Variants in ALKBH8 observed in about 807,000 individuals in gnomAD.
ALKBH8 encodes the protein tRNA (carboxymethyluridine(34)-5-O)-methyltransferase ALKBH8.
A neutral mutation model predicts 59.8 loss-of-function variants in ALKBH8; 36 were observed. The ratio of observed to expected loss-of-function variants is 0.60; its 90% CI spans 0.46 to 0.79. The LOEUF (loss-of-function observed/expected upper bound fraction) is 0.79. Ranked by LOEUF, ALKBH8 falls within the 30% of genes least tolerant of loss-of-function variation. The pLI is 0.00. For missense variants in ALKBH8, 768 were observed against 801.0 expected (o/e 0.96, Z 0.50); for synonymous variants, 276 against 273.6 (o/e 1.01, Z -0.09).
intron 9 of ALKBH8, 103 bp from the exon 10 acceptor site, chr11:107,522,658 T>C: frequency 7.8e-7 from 1 of 1,288,454 alleles, no homozygotes; most frequent in East Asian, 2.5e-5. Flanking sequence ...ATTTGGTGGG[T>C]AGACAGACTC....
intron 10 of ALKBH8, among the ~76,000 whole-genome samples, chr11:107,514,171 A>G (rs1158390873): frequency 2.0e-5 from 3 of 152,234 alleles, no homozygotes; most frequent in Non-Finnish European, 4.4e-5. Context: ...GATACTAAGT[A>G]GTGACATTCA....
rs73553664 is a variant in ALKBH8, at chr11:107,541,194, C to T, written c.771+8559G>A. 5.2e-3 allele frequency among the ~76,000 whole-genome samples: 786 copies of T among 152,248 alleles called. 4 individuals are homozygous for T. Among genetic ancestry groups the T allele is most frequent in the African/African-American group, 0.018 (743 of 41,564 alleles). ...TAGCTGTTGGCGATAATGATCATGGCAATGGTAGTGCTGATGGTCAAAGGA... is the reference window on the plus strand; with the variant it reads ...TAGCTGTTGGCGATAATGATCATGGTAATGGTAGTGCTGATGGTCAAAGGA... On this transcript the variant is annotated intron_variant, in intron 7 of 11. Coordinates refer to ENST00000428149, the MANE Select transcript of ALKBH8 (RefSeq NM_138775.3).
intron 10 of ALKBH8, among the ~76,000 whole-genome samples, chr11:107,521,553 A>T (rs758889166): frequency 6.6e-5 from 10 of 152,128 alleles, no homozygotes; most frequent in Non-Finnish European, 1.2e-4. Context: ...AAATCCCCTA[A>T]TCTAGAGAAA....
Position 107,504,998 on chromosome 11 carries a change from T to G in ALKBH8, c.1655A>C (p.Asp552Ala). ...AATGCGGGGGACAGAAGATGCCGAG[T>G]CTCGACTGCCCATGTCACGCATTTG... ...VEQMRDMGSRDSASSVPRIND... is the reference protein window; with the variant it reads ...VEQMRDMGSRASASSVPRIND... Residue 552 changes from aspartate to alanine, a missense_variant, in exon 12 of 12, where the codon GAC (aspartate) becomes GCC (alanine). Physicochemically the swap from Asp to Ala is moderately radical, Grantham distance 126 (BLOSUM62 -2). Transcript: ENST00000428149. The G allele has an allele frequency of 1.9e-6, 3 of 1,551,594 alleles. No individual in the cohort carries two copies. The highest frequency in any genetic ancestry group is 2.6e-6 in the Non-Finnish European group (3 of 1,146,832).
At chr11:107,519,184 C>A (rs1256501741) in intron 10 of ALKBH8, among the ~76,000 whole-genome samples, 4 of 152,116 alleles carry the variant, frequency 2.6e-5, no homozygotes, top group Non-Finnish European at 5.9e-5. Flanking sequence ...TGGCTCACTG[C>A]AACCTCCGCC....
chr11:107,528,908 TTAAGA>T (rs1425670008), intron 8 of ALKBH8, among the ~76,000 whole-genome samples: 7 of 152,018 alleles, frequency 4.6e-5, no homozygotes, highest in African/African-American at 1.7e-4. Context: ...ACTTTAAAAG[TTAAGA>T]TAAGGAATAA....
intron 1 of ALKBH8, among the ~76,000 whole-genome samples, chr11:107,563,327 C>G (rs1005412494): frequency 6.6e-6 from 1 of 152,128 alleles, no homozygotes; most frequent in Non-Finnish European, 1.5e-5. Flanking sequence ...ACCACAGAGC[C>G]TCATTCAGTG....
intron 10 of ALKBH8, among the ~76,000 whole-genome samples, chr11:107,513,294 A>C (rs994289333): frequency 2.6e-5 from 4 of 152,258 alleles, no homozygotes; most frequent in African/African-American, 9.6e-5. Flanking sequence ...AGCATATGAA[A>C]AAAGCTCAAC....
intron 9 of ALKBH8, among the ~76,000 whole-genome samples, chr11:107,523,122 A>T (rs1228534419): frequency 6.6e-6 from 1 of 152,194 alleles, no homozygotes; most frequent in Admixed American, 6.5e-5. Flanking sequence ...TATATATCCA[A>T]AGAAAATGAA....
intron 7 of ALKBH8, among the ~76,000 whole-genome samples, chr11:107,535,148 T>C (rs1223227573): frequency 6.6e-6 from 1 of 151,588 alleles, no homozygotes; most frequent in Non-Finnish European, 1.5e-5. Flanking sequence ...CTTTATCCAC[T>C]CGTTGATTGA....
At chr11:107,559,740 C>G (rs182891774) in intron 2 of ALKBH8, among the ~76,000 whole-genome samples, 3 of 152,298 alleles carry the variant, frequency 2.0e-5, no homozygotes, top group African/African-American at 7.2e-5. Flanking sequence ...TAATATTTAA[C>G]TCCAAGTATG....
chr11:107,507,711 G>C (rs903578954), intron 11 of ALKBH8, among the ~76,000 whole-genome samples: 1 of 152,064 alleles, frequency 6.6e-6, no homozygotes, highest in Non-Finnish European at 1.5e-5. Context: ...TCGAAGCAGT[G>C]GTGTCAGGGA....
intron 10 of ALKBH8, among the ~76,000 whole-genome samples, chr11:107,520,671 G>C (rs1476720818): frequency 6.6e-6 from 1 of 152,094 alleles, no homozygotes. Flanking sequence ...TCTTCAACAT[G>C]AACAAACTTA....
intron 7 of ALKBH8, among the ~76,000 whole-genome samples, chr11:107,532,634 G>A (rs1318190666): frequency 6.6e-6 from 1 of 152,112 alleles, no homozygotes; most frequent in Non-Finnish European, 1.5e-5. Flanking sequence ...CAGTAGGTCT[G>A]GAGTAAGGCT....
At chr11:107,563,758 G>T (rs984026805) in intron 1 of ALKBH8, 1 of 152,200 alleles carries the variant, frequency 6.6e-6, no homozygotes, top group Non-Finnish European at 1.5e-5. Flanking sequence ...GAATGAGAAA[G>T]AAACGATGCT....
At chr11:107,562,684 A>C (rs1864984250) in intron 1 of ALKBH8, 1 of 152,228 alleles carries the variant, frequency 6.6e-6, no homozygotes, top group Non-Finnish European at 1.5e-5. Flanking sequence ...GCTTCCTAGC[A>C]CAGGGGGTAC....
intron 7 of ALKBH8, among the ~76,000 whole-genome samples, chr11:107,548,331 A>T (rs1421118636): frequency 3.3e-5 from 5 of 152,228 alleles, no homozygotes; most frequent in African/African-American, 9.6e-5. Context: ...AGTATTAACA[A>T]GTTCACTTGG....
chr11:107,514,332 T>A (rs1260555855), intron 10 of ALKBH8, among the ~76,000 whole-genome samples: 1 of 152,288 alleles, frequency 6.6e-6, no homozygotes, highest in East Asian at 1.9e-4. Flanking sequence ...TTAAAAAAAA[T>A]TCTTACTGAG....
chr11:107,505,319 A>G, intron 11 of ALKBH8, 104 bp from the exon 12 acceptor site: 1 of 784,872 alleles, frequency 1.3e-6, no homozygotes, highest in East Asian at 2.7e-5. Flanking sequence ...CAATAAGAAT[A>G]TCTAACAAAA....
Sources: gnomAD v4.1 joint callset for allele counts (sites outside exome capture counted in the v4.1 genomes callset) on GRCh38, gnomAD v4.1.1 for gene constraint, MANE v1.5 for transcripts, NCBI Gene and HGNC (gene_info 2026-07-23, HGNC 2026-07-21) for gene names.